Variants in NDUFS1 observed in about 807,000 individuals in gnomAD.
The protein encoded by NDUFS1 is NADH:ubiquinone oxidoreductase core subunit S1.
Under a neutral mutation model 84.4 loss-of-function variants are expected in NDUFS1, and 61 were observed. The observed-to-expected ratio is 0.72, with a 90% CI of 0.59 to 0.89. The LOEUF (loss-of-function observed/expected upper bound fraction) is 0.89. Ranked by LOEUF, NDUFS1 falls within the 40% of genes least tolerant of loss-of-function variation. The probability of loss-of-function intolerance (pLI) is 0.00; values close to 1 mark genes in which losing one functional copy is unlikely to be tolerated. For synonymous variants in NDUFS1, 275 were observed against 290.0 expected (o/e 0.95, Z 0.53); for missense variants, 891 against 890.0 (o/e 1.00, Z -0.01).
Position 206,122,106 on chromosome 2 carries a change from A to G in NDUFS1, c.*2079T>C, listed in dbSNP as rs1691112572. 1 of 152,150 alleles carries G rather than the reference A, an allele frequency of 6.6e-6. No individual in the cohort carries two copies. The highest frequency in any genetic ancestry group is 1.5e-5 in the Non-Finnish European group (1 of 68,044). 9.4% of individuals were successfully genotyped at this position (152,150 alleles called of 1,614,324 possible). On this transcript the variant is annotated 3_prime_UTR_variant, in exon 19 of 19. Coordinates refer to ENST00000233190, the MANE Select transcript of NDUFS1 (RefSeq NM_005006.7). Reference sequence around the variant, plus strand: ...GGAGGATAAGATAAACAGTTCTAAAAGCTGGTACAGGTGACAAATTTTGTG... The same window carrying G: ...GGAGGATAAGATAAACAGTTCTAAAGGCTGGTACAGGTGACAAATTTTGTG...
intron 12 of NDUFS1, among the ~76,000 whole-genome samples, chr2:206,141,265 C>T (rs1161557619): frequency 6.6e-6 from 1 of 151,950 alleles, no homozygotes; most frequent in Non-Finnish European, 1.5e-5. Context: ...ATTAAAAAGG[C>T]CGGGCGCGGT....
intron 14 of NDUFS1, among the ~76,000 whole-genome samples, chr2:206,131,852 T>A (rs58098820): frequency 6.6e-6 from 1 of 151,976 alleles, no homozygotes. Context: ...GGCAGGAGAA[T>A]TGCTTGAACT....
intron 16 of NDUFS1, 172 bp downstream of exon 16, chr2:206,127,625 C>A: frequency 1.5e-6 from 1 of 681,306 alleles, no homozygotes; most frequent in Admixed American, 2.5e-5. Context: ...GCAATGAGAG[C>A]TCACTGTAAC....
rs1405991404 is a variant in NDUFS1, at chr2:206,123,644, AAAG to A, written c.*538_*540del. ...ATCTCACAGGGTTGTAGCAAGAACA[AAAG>A]AAGATAATGCATGTAAAACCAGAGT... On this transcript the variant is annotated 3_prime_UTR_variant, in exon 19 of 19. Coordinates refer to ENST00000233190, the MANE Select transcript of NDUFS1 (RefSeq NM_005006.7). 1.3e-5 allele frequency: 2 copies of A among 152,988 alleles called. No homozygotes were observed. Among genetic ancestry groups the A allele is most frequent in the Non-Finnish European group, 2.9e-5 (2 of 68,658 alleles). 9.5% of individuals were successfully genotyped at this position (152,988 alleles called of 1,614,324 possible). A position where few individuals can be genotyped will look rare whatever the true frequency, so the allele number is the denominator to read the frequency against.
intron 14 of NDUFS1, among the ~76,000 whole-genome samples, chr2:206,132,183 G>A (rs893348734): frequency 1.3e-5 from 2 of 151,918 alleles, no homozygotes; most frequent in African/African-American, 4.8e-5. Context: ...GAAAATGCAT[G>A]AAAATAGTAA....
Position 206,142,706 on chromosome 2 carries a change from G to C in NDUFS1, c.1113C>G (p.Val371=). The change falls in exon 11 of 19, where the codon GTC becomes GTG. Residue 371 remains valine, a synonymous_variant. Coordinates refer to ENST00000233190, the MANE Select transcript of NDUFS1 (RefSeq NM_005006.7). The stretch of plus-strand genomic sequence containing the variant: ...CTCACCCAGCTCCTGCAGTGGGGAA[G>C]ACCTCTTCAGTGCATAAGGTGTCAG... ...VDSDTLCTEE[V]FPTAGAGTDL... The C allele has an allele frequency of 6.2e-7, 1 of 1,614,160 alleles. No individual in the cohort carries two copies. The highest frequency in any genetic ancestry group is 8.5e-7 in the Non-Finnish European group (1 of 1,180,028).
At chr2:206,153,492 G>T in intron 2 of NDUFS1, 126 bp downstream of exon 2, 1 of 638,838 alleles carries the variant, frequency 1.6e-6, no homozygotes, top group South Asian at 1.8e-5. Flanking sequence ...CACCACACCC[G>T]GCCGGTTTCT....
In NDUFS1 at chr2:206,145,951, C is replaced by A. The variant is rs543756137; in HGVS notation, c.738-925G>T. Among the ~76,000 whole-genome samples the A allele has an allele frequency of 7.9e-5, 12 of 152,286 alleles. No individual in the cohort carries two copies. The East Asian group carries it at 2.1e-3, about 27-fold the overall frequency. On this transcript the variant is annotated intron_variant, in intron 8 of 18. Coordinates refer to ENST00000233190, the MANE Select transcript of NDUFS1 (RefSeq NM_005006.7). Reference sequence around the variant, plus strand: ...CGGCAAGCATTCCTAACAGAGGCTGCTACATGTGCAGGTGAAACCAGAGAA... The same window carrying A: ...CGGCAAGCATTCCTAACAGAGGCTGATACATGTGCAGGTGAAACCAGAGAA...
chr2:206,129,845 G>A (rs1053514320), intron 15 of NDUFS1, among the ~76,000 whole-genome samples: 2 of 152,010 alleles, frequency 1.3e-5, no homozygotes, highest in African/African-American at 4.8e-5. Context: ...ACCCGCACTG[G>A]CCTCCCAAAG....
At chr2:206,154,780 C>A (rs1190256715) in intron 1 of NDUFS1, among the ~76,000 whole-genome samples, 1 of 151,842 alleles carries the variant, frequency 6.6e-6, no homozygotes, top group Non-Finnish European at 1.5e-5. Context: ...CCCGCCACCA[C>A]ACCCGACTAA....
At chr2:206,153,288 C>T (rs914144789) in intron 2 of NDUFS1, among the ~76,000 whole-genome samples, 5 of 151,676 alleles carry the variant, frequency 3.3e-5, no homozygotes, top group East Asian at 3.9e-4. Flanking sequence ...CTCCACCTCC[C>T]GGGTTTAAGC....
chr2:206,142,635 T>G (rs755776201), intron 11 of NDUFS1, 51 bp downstream of exon 11: 15 of 1,608,540 alleles, frequency 9.3e-6, no homozygotes, highest in Non-Finnish European at 1.2e-5. Flanking sequence ...ATACATAACT[T>G]GTAACTAAAA....
At position 206,120,695 on chromosome 2, in the gene NDUFS1, G is replaced by A. The variant is rs1193054736; in HGVS notation, c.*3490C>T. ...GCCTACAATCAGATATGGAAGCAAA[G>A]AAATAACTTAAAGTTGGAACATATT... On this transcript the variant is annotated 3_prime_UTR_variant, in exon 19 of 19. Transcript: ENST00000233190. The A allele has an allele frequency of 6.6e-6, 1 of 152,216 alleles. No homozygotes were observed. The highest frequency in any genetic ancestry group is 1.5e-5 in the Non-Finnish European group (1 of 68,048). The allele number at this position is 152,216 out of a possible 1,614,324, so 9.4% of individuals were successfully genotyped here.
chr2:206,115,831 G>A lies in NDUFS1; in HGVS notation c.*8354C>T, dbSNP rs750764005. 2.3e-6 allele frequency: 1 copy of A among 442,836 alleles called. No homozygotes were observed. Among genetic ancestry groups the A allele is most frequent in the South Asian group, 2.1e-5 (1 of 48,200 alleles). The allele number at this position is 442,836 out of a possible 1,614,324, so 27.4% of individuals were successfully genotyped here. ...ATTATCTTTGAATTATGTAATTTTTGTAACTAATTTTTACCATGGATAATT... is the reference window on the plus strand; with the variant it reads ...ATTATCTTTGAATTATGTAATTTTTATAACTAATTTTTACCATGGATAATT... On this transcript the variant is annotated 3_prime_UTR_variant, in exon 19 of 19. Transcript: ENST00000233190.
rs1255289955 is a variant in NDUFS1, at chr2:206,121,371, T to C, written c.*2814A>G. 6.6e-6 allele frequency: 1 copy of C among 152,214 alleles called. No homozygotes were observed. Among genetic ancestry groups the C allele is most frequent in the African/African-American group, 2.4e-5 (1 of 41,450 alleles). The allele number at this position is 152,214 out of a possible 1,614,324, so 9.4% of individuals were successfully genotyped here. ...TCAATGTTTATGCTTACAATAACCTTAGTATTTGGCATTACGACACTAATA... is the reference window on the plus strand; with the variant it reads ...TCAATGTTTATGCTTACAATAACCTCAGTATTTGGCATTACGACACTAATA... On this transcript the variant is annotated 3_prime_UTR_variant, in exon 19 of 19. Transcript: ENST00000233190.
intron 10 of NDUFS1, among the ~76,000 whole-genome samples, chr2:206,143,538 A>T (rs374375066): frequency 4.0e-4 from 60 of 151,290 alleles, no homozygotes; most frequent in African/African-American, 1.4e-3. Context: ...GCAAGCTTAT[A>T]TTCATTCTCA....
intron 1 of NDUFS1, among the ~76,000 whole-genome samples, chr2:206,157,437 C>A (rs780916997): frequency 1.3e-5 from 2 of 152,074 alleles, no homozygotes; most frequent in Non-Finnish European, 2.9e-5. Context: ...TAGCACAGGA[C>A]CCTTATGAAA....
chr2:206,153,096 TGTGTA>T (rs568213829), intron 2 of NDUFS1, among the ~76,000 whole-genome samples: 280 of 152,308 alleles, frequency 1.8e-3, no homozygotes, highest in African/African-American at 6.6e-3. Context: ...GGCATTGATG[TGTGTA>T]GTTCCTAATA....
intron 1 of NDUFS1, among the ~76,000 whole-genome samples, chr2:206,158,508 C>T (rs1033479868): frequency 1.3e-5 from 2 of 152,164 alleles, no homozygotes; most frequent in Non-Finnish European, 2.9e-5. Flanking sequence ...TGTTCAATAA[C>T]GGTTAAGTGA....
Sources: allele counts gnomAD v4.1 joint callset (sites outside exome capture counted in the v4.1 genomes callset), GRCh38; gene constraint gnomAD v4.1.1; transcripts MANE v1.5; gene names NCBI Gene and HGNC (gene_info 2026-07-23, HGNC 2026-07-21).